THSD4: variants seen among roughly 807,000 people sequenced by gnomAD.
THSD4 encodes thrombospondin type 1 domain containing 4, also known as thrombospondin type-1 domain-containing protein 4.
THSD4 carries 69 observed loss-of-function variants against 119.0 expected under a neutral mutation model. The observed-to-expected ratio is 0.58, with a 90% CI of 0.48 to 0.71. The LOEUF (loss-of-function observed/expected upper bound fraction) is 0.71, where lower values mean the gene tolerates loss of function less well. Among genes scored for constraint, THSD4 ranks in the 30% least tolerant of loss-of-function variants. The pLI is 0.00. For synonymous variants in THSD4, 524 were observed against 540.4 expected, an observed-to-expected ratio of 0.97 and a Z score of 0.42; for missense variants, 1,393 against 1,391.1, an observed-to-expected ratio of 1.00 and a Z score of -0.02.
At chr15:71,410,333 G>C (rs2046669101) in intron 6 of THSD4, among the ~76,000 whole-genome samples, 1 of 152,196 alleles carries the variant, frequency 6.6e-6, no homozygotes, top group East Asian at 1.9e-4. Context: ...CCCTGAAATA[G>C]AGGAGGCCAC....
At chr15:71,624,323 C>T (rs2050470930) in intron 7 of THSD4, among the ~76,000 whole-genome samples, 3 of 152,194 alleles carry the variant, frequency 2.0e-5, no homozygotes, top group South Asian at 4.1e-4. Context: ...GAAAGGAATC[C>T]GGACTGCATA....
chr15:71,588,548 C>T (rs1040241307), intron 7 of THSD4, among the ~76,000 whole-genome samples: 2 of 152,052 alleles, frequency 1.3e-5, no homozygotes, highest in Admixed American at 6.5e-5. Flanking sequence ...CTCAGCCTCC[C>T]TAGTAGCTGG....
intron 7 of THSD4, among the ~76,000 whole-genome samples, chr15:71,521,439 G>A (rs1221003839): frequency 6.6e-6 from 1 of 152,036 alleles, no homozygotes; most frequent in East Asian, 1.9e-4. Context: ...TATTTTCTTT[G>A]ACATTCATCT....
chr15:71,215,128 T>C lies in THSD4; in HGVS notation c.193T>C (p.Cys65Arg). The C allele has an allele frequency of 7.3e-7, 1 of 1,366,460 alleles. No individual in the cohort carries two copies. 84.6% of individuals were successfully genotyped at this position (1,366,460 alleles called of 1,614,324 possible). Residue 65 changes from cysteine (C) to arginine (R), a missense_variant, in exon 4 of 18, where the codon TGC becomes CGC. Physicochemically the swap from Cys to Arg is radical, Grantham distance 180. Coordinates refer to ENST00000261862, the MANE Select transcript of THSD4 (RefSeq NM_024817.3). ...GGGCGCCTGGGGCCCCTGGTCGGCC[T>C]GCTCGCGTAGCTGCAGCGGCGGCGT... The part of the protein sequence containing the change: ...VWGAWGPWSA[C>R]SRSCSGGVME...
chr15:71,592,412 T>C (rs962769084), intron 7 of THSD4, among the ~76,000 whole-genome samples: 5 of 152,132 alleles, frequency 3.3e-5, no homozygotes, highest in African/African-American at 9.7e-5. Flanking sequence ...GCCCCAGGAA[T>C]TGAGCTGTTA....
intron 7 of THSD4, among the ~76,000 whole-genome samples, chr15:71,604,322 A>G (rs1167333114): frequency 1.3e-5 from 2 of 152,198 alleles, no homozygotes; most frequent in African/African-American, 2.4e-5. Flanking sequence ...TAGAAATTCA[A>G]TGCATTTTTA....
intron 6 of THSD4, among the ~76,000 whole-genome samples, chr15:71,385,971 C>T (rs1262832183): frequency 6.6e-6 from 1 of 152,034 alleles, no homozygotes; most frequent in Non-Finnish European, 1.5e-5. Context: ...AGAATGGAGG[C>T]AGAACTCTAA....
rs79856532 is a variant in THSD4, at chr15:71,411,481, G to T, written c.1016-206G>T. Among the ~76,000 whole-genome samples the T allele has an allele frequency of 6.1e-3, 932 of 152,190 alleles. 1 individual carries two copies. The highest frequency in any genetic ancestry group is 8.1e-3 in the Non-Finnish European group (553 of 68,010). On this transcript the variant is annotated intron_variant, in intron 6 of 17. Coordinates refer to ENST00000261862, the MANE Select transcript of THSD4 (RefSeq NM_024817.3). The stretch of plus-strand genomic sequence containing the variant: ...TTTTTGAGCTGATGGAAATGTTCTG[G>T]AATTATATAATGGTTGCGGTTGGAC...
intron 6 of THSD4, among the ~76,000 whole-genome samples, chr15:71,299,974 A>T (rs1409859836): frequency 0.23 from 8,241 of 35,740 alleles, 308 homozygotes; most frequent in Non-Finnish European, 0.33. Context: ...AAAAAAAAAA[A>T]AAATATATAT....
chr15:71,747,028 A>G lies in THSD4; in HGVS notation c.2227A>G (p.Thr743Ala). Residue 743 changes from threonine to alanine, a missense_variant, in exon 13 of 18, where the codon ACC (threonine) becomes GCC (alanine). Physicochemically the swap from Thr to Ala is moderately conservative, Grantham distance 58. Transcript: ENST00000261862. ...LKICSEWQIR[T>A]DWTSCSVPCG... is the part of the protein sequence containing the mutation. ...GATCTGCAGCGAGTGGCAGATCCGG[A>G]CCGACTGGACCTCGGTACGCAGGCA... The G allele has an allele frequency of 6.2e-7, 1 of 1,608,856 alleles. No homozygotes were observed. The highest frequency in any genetic ancestry group is 1.7e-5 in the Admixed American group (1 of 59,646).
At chr15:71,476,444 G>T (rs1470778498) in intron 7 of THSD4, among the ~76,000 whole-genome samples, 1 of 152,144 alleles carries the variant, frequency 6.6e-6, no homozygotes, top group Non-Finnish European at 1.5e-5. Context: ...GTTTCACCAT[G>T]TTGGCCAGGC....
rs902079951 is a variant in THSD4, at chr15:71,737,939, C to A, written c.1838C>A (p.Pro613Gln). The change falls in exon 11 of 18, where the codon CCA becomes CAA. Residue 613 changes from proline to glutamine, a missense_variant. Physicochemically the swap from Pro to Gln is moderately conservative, Grantham distance 76. Transcript: ENST00000261862. Reference protein sequence around the residue: ...DNLVPPAPQPPRRSRDHNWKQ... With the variant: ...DNLVPPAPQPQRRSRDHNWKQ... ...TTGGTGCCACCAGCACCGCAGCCCC[C>A]ACGGCGCAGCCGGGATCACAACTGG... is the stretch of plus-strand genomic sequence containing the variant. 1.9e-6 allele frequency: 3 copies of A among 1,614,012 alleles called. No homozygotes were observed. Among genetic ancestry groups the A allele is most frequent in the Admixed American group, 1.7e-5 (1 of 60,008 alleles).
At chr15:71,459,688 A>G (rs1273636805) in intron 7 of THSD4, among the ~76,000 whole-genome samples, 1 of 152,184 alleles carries the variant, frequency 6.6e-6, no homozygotes, top group Non-Finnish European at 1.5e-5. Context: ...TAAAATATAT[A>G]CAAACTTAGG....
intron 6 of THSD4, among the ~76,000 whole-genome samples, chr15:71,355,549 T>C (rs11639239): frequency 0.23 from 34,448 of 152,100 alleles, 4,348 homozygotes; most frequent in East Asian, 0.54. Flanking sequence ...CTGAGTATTA[T>C]TGGATTGTGT....
chr15:71,669,031 GA>G (rs1314828605), intron 8 of THSD4, among the ~76,000 whole-genome samples: 1 of 152,084 alleles, frequency 6.6e-6, no homozygotes, highest in East Asian at 1.9e-4. Context: ...CTTGGCAGAA[GA>G]ATTTGTAGGT....
chr15:71,594,608 A>G (rs987465197), intron 7 of THSD4, among the ~76,000 whole-genome samples: 11 of 152,168 alleles, frequency 7.2e-5, no homozygotes, highest in African/African-American at 2.7e-4. Context: ...TGGAGACCTT[A>G]GGCCTCTTCC....
intron 2 of THSD4, among the ~76,000 whole-genome samples, chr15:71,150,447 C>T (rs180949346): frequency 2.0e-3 from 309 of 152,324 alleles, no homozygotes; most frequent in African/African-American, 7.0e-3. Flanking sequence ...TTATATATTG[C>T]TGTGCCTGCT....
intron 7 of THSD4, among the ~76,000 whole-genome samples, chr15:71,481,932 G>T (rs2047736240): frequency 6.6e-6 from 1 of 152,126 alleles, no homozygotes; most frequent in South Asian, 2.1e-4. Flanking sequence ...CAGCCTTTTG[G>T]CTTTAAACAC....
At chr15:71,725,584 C>T (rs2052816932) in intron 8 of THSD4, among the ~76,000 whole-genome samples, 1 of 152,090 alleles carries the variant, frequency 6.6e-6, no homozygotes, top group African/African-American at 2.4e-5. Context: ...TTCCCAGAAG[C>T]TGGGGTGAGA....
Sources: allele counts gnomAD v4.1 joint callset (sites outside exome capture counted in the v4.1 genomes callset), GRCh38; gene constraint gnomAD v4.1.1; transcripts MANE v1.5; gene names NCBI Gene and HGNC (gene_info 2026-07-23, HGNC 2026-07-21).